The following CIB2 variants were observed in gnomAD, a reference collection of about 807,000 sequenced individuals.
CIB2 encodes calcium and integrin-binding family member 2.
CIB2 carries 19 observed loss-of-function variants against 23.1 expected under a neutral mutation model. The observed-to-expected ratio is 0.82, with a 90% CI of 0.57 to 1.21. The LOEUF is 1.21. CIB2 is among the 50% of genes most tolerant of loss of function. The probability of loss-of-function intolerance (pLI) is 0.00; values close to 1 mark genes in which losing one functional copy is unlikely to be tolerated. For synonymous variants in CIB2, 94 were observed against 91.7 expected (o/e 1.03, Z -0.14); for missense variants, 220 against 241.5 (o/e 0.91, Z 0.59).
intron 1 of CIB2, among the ~76,000 whole-genome samples, chr15:78,129,129 C>G (rs1462992484): frequency 6.6e-6 from 1 of 152,098 alleles, no homozygotes; most frequent in Non-Finnish European, 1.5e-5. Flanking sequence ...AAAGGTTAGA[C>G]TACCAGGCTG....
In CIB2 at chr15:78,113,536, C is replaced by CT. The variant is rs71145895; in HGVS notation, c.87-2261dup. 1.5e-3 allele frequency among the ~76,000 whole-genome samples: 217 copies of CT among 145,062 alleles called. 1 individual carries two copies. Among genetic ancestry groups the CT allele is most frequent in the Admixed American group, 2.8e-3 (40 of 14,428 alleles). ...ATGCATCTTCTTTCTTTCTTTCTTT[C>CT]TTTTTTTTTTTTGAGACGGAGTCTC... On this transcript the variant is annotated intron_variant, in intron 2 of 5. Coordinates refer to ENST00000258930, the MANE Select transcript of CIB2 (RefSeq NM_006383.4).
chr15:78,131,139 T>C lies in CIB2; in HGVS notation c.51+26A>G, dbSNP rs776613190. The C allele has an allele frequency of 5.1e-5, 80 of 1,569,238 alleles. No homozygotes were observed. The Middle Eastern group carries it at 1.9e-3, about 36-fold the overall frequency. On this transcript the variant is annotated intron_variant, in intron 1 of 5. Transcript: ENST00000258930. This position sits in a 1 kb window ranked among gnomAD's most constrained non-coding sequence, Gnocchi z 5.8. ...GGGCGGCGGGGCGGCGGGGCCTGTGTTGGGGGCCGGGCGCGCCGAGCTCAC... is the reference window on the plus strand; with the variant it reads ...GGGCGGCGGGGCGGCGGGGCCTGTGCTGGGGGCCGGGCGCGCCGAGCTCAC...
intron 3 of CIB2, chr15:78,110,880 C>CTTGGGGCCACTTAA: frequency 3.1e-6 from 1 of 321,894 alleles, no homozygotes; most frequent in South Asian, 2.4e-5. Flanking sequence ...CACAGGTCTG[C>CTTGGGGCCACTTAA]CAACTACAGC....
At position 78,105,889 on chromosome 15, in the gene CIB2, G is replaced by A. The variant is rs764878310; in HGVS notation, c.392C>T (p.Thr131Met). 35 of 1,614,088 alleles carry A rather than the reference G, an allele frequency of 2.2e-5. No individual in the cohort carries two copies. The highest frequency in any genetic ancestry group is 6.7e-5 in the African/African-American group (5 of 74,924). Residue 131 changes from threonine (T) to methionine (M), a missense_variant, in exon 5 of 6, where the codon ACG becomes ATG. Transcript: ENST00000258930. The stretch of plus-strand genomic sequence containing the variant: ...CTCTGACTTAGTGAGCCGGGCCAGC[G>A]TCAGCTCCAGGTCCTCCTTGCAGAT... ...NFICKEDLEL[T>M]LARLTKSELD...
At chr15:78,107,562 C>A (rs1327597387) in intron 4 of CIB2, among the ~76,000 whole-genome samples, 1 of 152,200 alleles carries the variant, frequency 6.6e-6, no homozygotes, top group Non-Finnish European at 1.5e-5. Flanking sequence ...TAGGAGGGCC[C>A]TGGCTGCCTC....
intron 2 of CIB2, chr15:78,120,765 GA>G (rs1009802451): frequency 2.0e-6 from 2 of 984,414 alleles, no homozygotes; most frequent in African/African-American, 3.5e-5. Context: ...AACCTGCAAA[GA>G]AAAACCTCCT....
chr15:78,113,692 G>A (rs893465637), intron 2 of CIB2, among the ~76,000 whole-genome samples: 3 of 152,002 alleles, frequency 2.0e-5, no homozygotes, highest in Non-Finnish European at 1.5e-5. Context: ...CACAATGCCC[G>A]GCACATTTTT....
At chr15:78,119,976 C>G (rs1033880358) in intron 2 of CIB2, among the ~76,000 whole-genome samples, 4 of 151,758 alleles carry the variant, frequency 2.6e-5, no homozygotes, top group Non-Finnish European at 5.9e-5. Flanking sequence ...TCTCAACTCA[C>G]TGCGGTCTCA....
intron 2 of CIB2, among the ~76,000 whole-genome samples, chr15:78,113,715 A>C (rs368409367): frequency 6.6e-6 from 1 of 152,136 alleles, no homozygotes. Flanking sequence ...TACTTTTAGT[A>C]GAGATGGGGT....
At chr15:78,105,590 C>T (rs1040015478) in intron 5 of CIB2, 149 bp downstream of exon 5, 60 of 1,513,920 alleles carry the variant, frequency 4.0e-5, no homozygotes, top group Non-Finnish European at 4.9e-5. Flanking sequence ...GCCAGTCACA[C>T]GTCTAGGGCA....
intron 2 of CIB2, among the ~76,000 whole-genome samples, chr15:78,122,739 C>T (rs554265525): frequency 6.6e-6 from 1 of 152,342 alleles, no homozygotes; most frequent in Admixed American, 6.5e-5. Context: ...AGGCTTTGCC[C>T]CTTGCTCAGA....
chr15:78,111,777 G>T (rs2074163987), intron 2 of CIB2, among the ~76,000 whole-genome samples: 1 of 152,084 alleles, frequency 6.6e-6, no homozygotes, highest in Non-Finnish European at 1.5e-5. Context: ...AGGGCCATGG[G>T]TTGAGCCCAA....
rs781739026 is a variant in CIB2 at position 78,105,938 on chromosome 15, T to C, written c.347-4A>G. ...ATGAAGTTGTCAGTGTTGAAGTCTG[T>C]AGGGCAGGGGTTGGACATGTTCAAG... is the stretch of plus-strand genomic sequence containing the variant. On this transcript the variant is annotated splice_polypyrimidine_tract_variant and splice_region_variant and intron_variant, in intron 4 of 5. Coordinates refer to ENST00000258930, the MANE Select transcript of CIB2 (RefSeq NM_006383.4). 7 of 1,613,682 alleles carry C rather than the reference T, an allele frequency of 4.3e-6. No individual in the cohort carries two copies. The highest frequency in any genetic ancestry group is 5.9e-6 in the Non-Finnish European group (7 of 1,179,680).
At chr15:78,106,988 C>T (rs977821457) in intron 4 of CIB2, among the ~76,000 whole-genome samples, 8 of 151,916 alleles carry the variant, frequency 5.3e-5, no homozygotes, top group South Asian at 2.1e-4. Context: ...CAGCACTTTG[C>T]GAGTCCGAGG....
chr15:78,129,084 G>A (rs148043702), intron 1 of CIB2, among the ~76,000 whole-genome samples: 3 of 152,212 alleles, frequency 2.0e-5, no homozygotes, highest in Non-Finnish European at 4.4e-5. Context: ...GGGAATCACC[G>A]GCACCGGGAA....
Position 78,117,299 on chromosome 15 carries a change from GGA to G in CIB2, c.87-6025_87-6024del, listed in dbSNP as rs1248981011. Among the ~76,000 whole-genome samples, 3 of 113,866 alleles carry G rather than the reference GGA, an allele frequency of 2.6e-5. No homozygotes were observed. In the East Asian group the frequency reaches 9.0e-4, roughly 34 times the overall value. 74.7% of individuals were successfully genotyped at this position (113,866 alleles called of 152,430 possible). A position where few individuals can be genotyped will look rare whatever the true frequency, so the allele number is the denominator to read the frequency against. On this transcript the variant is annotated intron_variant, in intron 2 of 5. Coordinates refer to ENST00000258930, the MANE Select transcript of CIB2 (RefSeq NM_006383.4). ...AAGTTTGTTTAAAAGAATAAATGTAGGAGTGTTGCAGGGGAACCCTGAAAAAA... is the reference window on the plus strand; with the variant it reads ...AAGTTTGTTTAAAAGAATAAATGTAGGTGTTGCAGGGGAACCCTGAAAAAA...
intron 2 of CIB2, among the ~76,000 whole-genome samples, chr15:78,119,358 C>T (rs1381222365): frequency 6.6e-6 from 1 of 152,080 alleles, no homozygotes; most frequent in Non-Finnish European, 1.5e-5. Context: ...GGATTGCTTC[C>T]ACCTTTTGTG....
chr15:78,108,920 T>A (rs974389539), intron 4 of CIB2, among the ~76,000 whole-genome samples: 2 of 152,252 alleles, frequency 1.3e-5, no homozygotes, highest in African/African-American at 4.8e-5. Flanking sequence ...CTGTCAGGTC[T>A]GCCAGCCCCC....
intron 2 of CIB2, among the ~76,000 whole-genome samples, chr15:78,112,968 T>C (rs1318442462): frequency 2.6e-5 from 4 of 152,266 alleles, no homozygotes; most frequent in Non-Finnish European, 4.4e-5. Context: ...GGCCCTGAAC[T>C]AATCTTCTCT....
Sources: allele counts gnomAD v4.1 joint callset (sites outside exome capture counted in the v4.1 genomes callset), GRCh38; gene constraint gnomAD v4.1.1; non-coding constraint Gnocchi (gnomAD v3.1); transcripts MANE v1.5; gene names NCBI Gene and HGNC (gene_info 2026-07-23, HGNC 2026-07-21).